FAM72D: variants seen among roughly 807,000 people sequenced by gnomAD.
The protein encoded by FAM72D is protein FAM72D.
For missense variants in FAM72D, 9 were observed against 104.7 expected (o/e 0.09, Z 3.99); for synonymous variants, 4 against 35.1 (o/e 0.11, Z 3.13).
At chr1:145,107,441 G>A (rs1654976360) in intron 3 of FAM72D, among the ~76,000 whole-genome samples, 2 of 126,480 alleles carry the variant, frequency 1.6e-5, no homozygotes, top group Admixed American at 1.6e-4. Context: ...GTTTCACCAT[G>A]TTGGTCAGGC....
chr1:145,097,067 T>C, intron 1 of FAM72D, 68 bp downstream of exon 1: 1 of 628,250 alleles, frequency 1.6e-6, no homozygotes, highest in Non-Finnish European at 2.8e-6. Flanking sequence ...CTTGGATCTG[T>C]GGGAGTCAAC....
At chr1:145,099,765 ATTTC>A (rs1225224611) in intron 2 of FAM72D, among the ~76,000 whole-genome samples, 1 of 55,814 alleles carries the variant, frequency 1.8e-5, no homozygotes, top group African/African-American at 7.9e-5. Flanking sequence ...TCCTACCTTA[ATTTC>A]TTTCTTTCTT....
chr1:145,101,990 A>G (rs1385898383), intron 2 of FAM72D, among the ~76,000 whole-genome samples: 1 of 119,948 alleles, frequency 8.3e-6, no homozygotes, highest in South Asian at 2.6e-4. Flanking sequence ...TAAACAGTTC[A>G]TGTTGCTATT....
intron 3 of FAM72D, among the ~76,000 whole-genome samples, chr1:145,105,926 T>C (rs1654903047): frequency 7.0e-6 from 1 of 141,902 alleles, no homozygotes; most frequent in African/African-American, 2.6e-5. Context: ...CACTCCAGCC[T>C]GGGCAACAAA....
chr1:145,107,378 G>A (rs1197026997), intron 3 of FAM72D, among the ~76,000 whole-genome samples: 1 of 117,624 alleles, frequency 8.5e-6, no homozygotes, highest in African/African-American at 3.3e-5. Flanking sequence ...CCCGAGTAGC[G>A]AGATTACAGG....
At position 145,105,681 on chromosome 1, in the gene FAM72D, G is replaced by A. The variant is rs184948401; in HGVS notation, c.355+2550G>A. On this transcript the variant is annotated intron_variant, in intron 3 of 3. Coordinates refer to ENST00000400889, the MANE Select transcript of FAM72D (RefSeq NM_207418.3). ...AAAAAAGGAATAAGAGGCCGGGCGC[G>A]GTGGCTCACGCCTGTAATCCCAGCA... Among the ~76,000 whole-genome samples the A allele has an allele frequency of 1.3e-3, 196 of 149,936 alleles. 5 individuals are homozygous for A. The East Asian group carries it at 0.035, about 27-fold the overall frequency.
intron 1 of FAM72D, 55 bp downstream of exon 1, chr1:145,097,054 T>C (rs1654498243): frequency 9.8e-6 from 6 of 612,436 alleles, no homozygotes; most frequent in Non-Finnish European, 1.7e-5. Context: ...GGAACACTTA[T>C]GGCTTGGATC....
intron 2 of FAM72D, among the ~76,000 whole-genome samples, chr1:145,100,999 T>C (rs1553637899): frequency 1.3e-5 from 2 of 150,580 alleles, no homozygotes; most frequent in Non-Finnish European, 2.9e-5. Flanking sequence ...TGGAGTGCAA[T>C]GGCATCATCT....
chr1:145,101,627 GT>G (rs1312919405), intron 2 of FAM72D, among the ~76,000 whole-genome samples: 1 of 144,418 alleles, frequency 6.9e-6, no homozygotes. Flanking sequence ...CAAGGGCTTT[GT>G]TTTGTTTACC....
chr1:145,105,669 G>C (rs1369015613), intron 3 of FAM72D, among the ~76,000 whole-genome samples: 1 of 149,976 alleles, frequency 6.7e-6, no homozygotes, highest in East Asian at 2.0e-4. Context: ...AAAGGAATAA[G>C]AGGCCGGGCG....
rs1203636824 is a variant in FAM72D, at chr1:145,112,243, TA to T, written c.*649del. On this transcript the variant is annotated 3_prime_UTR_variant, in exon 4 of 4. Transcript: ENST00000400889. ...CCAATGTTATTTATTTACATTCTTC[TA>T]AAGCCATTATGGATATTGTATTATG... The T allele has an allele frequency of 6.8e-6, 1 of 146,628 alleles. No individual in the cohort carries two copies. Among genetic ancestry groups the T allele is most frequent in the Non-Finnish European group, 1.5e-5 (1 of 66,252 alleles). 9.1% of individuals were successfully genotyped at this position (146,628 alleles called of 1,614,324 possible). A position where few individuals can be genotyped will look rare whatever the true frequency, so the allele number is the denominator to read the frequency against.
intron 3 of FAM72D, among the ~76,000 whole-genome samples, chr1:145,107,619 G>A (rs1475867136): frequency 1.0e-4 from 9 of 86,410 alleles, no homozygotes; most frequent in Non-Finnish European, 1.7e-4. Context: ...GAGCAGTGGC[G>A]TGATCTCGGC....
rs1214693439 is a variant in FAM72D at position 145,112,418 on chromosome 1, TTTTGCTTTGC to T, written c.*831_*840del. 1.3e-5 allele frequency: 2 copies of T among 150,920 alleles called. No homozygotes were observed. The highest frequency in any genetic ancestry group is 2.9e-5 in the Non-Finnish European group (2 of 67,924). 9.3% of individuals were successfully genotyped at this position (150,920 alleles called of 1,614,324 possible). The stretch of plus-strand genomic sequence containing the variant: ...TTGTACATTATAAAGAGCTGTTTTG[TTTTGCTTTGC>T]TTTGCTTTGTTTTGTTTTTTTAAAG... On this transcript the variant is annotated 3_prime_UTR_variant, in exon 4 of 4. Coordinates refer to ENST00000400889, the MANE Select transcript of FAM72D (RefSeq NM_207418.3).
intron 2 of FAM72D, among the ~76,000 whole-genome samples, chr1:145,100,782 G>A (rs868949133): frequency 6.6e-6 from 1 of 150,414 alleles, no homozygotes; most frequent in Non-Finnish European, 1.5e-5. Flanking sequence ...GTGAGCCACC[G>A]CACCCAGCCC....
chr1:145,097,066 G>A, intron 1 of FAM72D, 67 bp downstream of exon 1: 1 of 622,876 alleles, frequency 1.6e-6, no homozygotes. Flanking sequence ...GCTTGGATCT[G>A]TGGGAGTCAA....
chr1:145,100,940 CA>C (rs1378304534), intron 2 of FAM72D, among the ~76,000 whole-genome samples: 1 of 146,736 alleles, frequency 6.8e-6, no homozygotes, highest in Non-Finnish European at 1.5e-5. Flanking sequence ...TGGGCAACGA[CA>C]TTTTTTTTGT....
intron 3 of FAM72D, among the ~76,000 whole-genome samples, chr1:145,105,924 C>A (rs1253133972): frequency 6.8e-6 from 1 of 146,792 alleles, no homozygotes; most frequent in Admixed American, 6.7e-5. Context: ...TGCACTCCAG[C>A]CTGGGCAACA....
chr1:145,107,213 G>A (rs1571202609), intron 3 of FAM72D, among the ~76,000 whole-genome samples: 1 of 144,654 alleles, frequency 6.9e-6, no homozygotes, highest in Admixed American at 6.9e-5. Flanking sequence ...CTTTTTCCTT[G>A]TGTTAAGGTG....
chr1:145,106,960 A>G (rs1307399484), intron 3 of FAM72D, among the ~76,000 whole-genome samples: 12 of 92,824 alleles, frequency 1.3e-4, no homozygotes, highest in Non-Finnish European at 2.0e-4. Flanking sequence ...GGTGGCTCAC[A>G]CCTGTAATCC....
Sources: gnomAD v4.1 joint callset for allele counts (sites outside exome capture counted in the v4.1 genomes callset) on GRCh38, gnomAD v4.1.1 for gene constraint, MANE v1.5 for transcripts, NCBI Gene and HGNC (gene_info 2026-07-23, HGNC 2026-07-21) for gene names.